Variants in PTPN9 observed in about 807,000 individuals in gnomAD.
PTPN9 encodes the protein tyrosine-protein phosphatase non-receptor type 9.
In PTPN9, 26 loss-of-function variants were observed where a neutral mutation model predicts 69.8. The ratio of observed to expected loss-of-function variants is 0.37; its 90% CI spans 0.27 to 0.52. The LOEUF (loss-of-function observed/expected upper bound fraction) is 0.52, where lower values mean the gene tolerates loss of function less well. Among genes scored for constraint, PTPN9 ranks in the 20% least tolerant of loss-of-function variants. PTPN9 has a pLI of 0.91. For missense variants in PTPN9, 549 were observed against 740.3 expected (o/e 0.74, Z 3.00); for synonymous variants, 274 against 272.5 (o/e 1.01, Z -0.05).
At chr15:75,499,728 G>A (rs768635370) in intron 7 of PTPN9, among the ~76,000 whole-genome samples, 1 of 151,864 alleles carries the variant, frequency 6.6e-6, no homozygotes, top group Non-Finnish European at 1.5e-5. Context: ...AATGGAGGAG[G>A]GGAGACTCCA....
intron 1 of PTPN9, among the ~76,000 whole-genome samples, chr15:75,557,397 C>G (rs192471960): frequency 6.6e-6 from 1 of 151,770 alleles, no homozygotes; most frequent in East Asian, 1.9e-4. Context: ...TGCACTCCAG[C>G]CTGGTCGACA....
chr15:75,552,233 T>C (rs1280764875), intron 1 of PTPN9, among the ~76,000 whole-genome samples: 3 of 149,060 alleles, frequency 2.0e-5, no homozygotes, highest in South Asian at 4.3e-4. Context: ...ACCCCATCTC[T>C]ACTAAAAAAA....
At chr15:75,573,861 C>T (rs998928036) in intron 1 of PTPN9, among the ~76,000 whole-genome samples, 1 of 152,096 alleles carries the variant, frequency 6.6e-6, no homozygotes, top group African/African-American at 2.4e-5. Flanking sequence ...GCTCTGAGAA[C>T]CTATTAGGTT....
chr15:75,499,387 G>T (rs1199611709), intron 7 of PTPN9, among the ~76,000 whole-genome samples: 1 of 144,332 alleles, frequency 6.9e-6, no homozygotes, highest in East Asian at 2.0e-4. Flanking sequence ...GCAACAAGAC[G>T]ATCTAAACCC....
chr15:75,480,232 G>C (rs1032101798), intron 8 of PTPN9, among the ~76,000 whole-genome samples: 2 of 152,116 alleles, frequency 1.3e-5, no homozygotes, highest in Admixed American at 6.5e-5. Context: ...TTGTGACCTT[G>C]GGTTAGGCAA....
intron 1 of PTPN9, among the ~76,000 whole-genome samples, chr15:75,576,564 C>T (rs2075174671): frequency 6.6e-6 from 1 of 151,670 alleles, no homozygotes; most frequent in African/African-American, 2.4e-5. Flanking sequence ...AATCCCAGCA[C>T]TTTTGGAGGA....
At chr15:75,551,415 C>T (rs2075056129) in intron 1 of PTPN9, among the ~76,000 whole-genome samples, 1 of 151,986 alleles carries the variant, frequency 6.6e-6, no homozygotes, top group African/African-American at 2.4e-5. Flanking sequence ...GAGTGCAGTG[C>T]CACAATCTCA....
intron 1 of PTPN9, among the ~76,000 whole-genome samples, chr15:75,546,409 C>T (rs748167730): frequency 2.0e-5 from 3 of 152,100 alleles, no homozygotes; most frequent in Middle Eastern, 6.8e-3. Context: ...TTTGGGAGGC[C>T]GAGGCGGGCA....
At chr15:75,523,959 AG>A (rs989638683) in intron 3 of PTPN9, among the ~76,000 whole-genome samples, 40 of 151,832 alleles carry the variant, frequency 2.6e-4, no homozygotes, top group African/African-American at 9.7e-4. Context: ...AAGTCCAAAC[AG>A]GGGGGGATGG....
At chr15:75,520,437 AATAGATAGATAGATAG>A (rs138397961) in intron 4 of PTPN9, among the ~76,000 whole-genome samples, 33 of 140,262 alleles carry the variant, frequency 2.4e-4, no homozygotes, top group Admixed American at 1.5e-3. Flanking sequence ...TAGGGTATAG[AATAGATAGATAGATAG>A]ATAGATAGAT....
At chr15:75,558,547 C>CCT (rs1014962921) in intron 1 of PTPN9, among the ~76,000 whole-genome samples, 15 of 152,020 alleles carry the variant, frequency 9.9e-5, no homozygotes, top group Non-Finnish European at 4.4e-5. Context: ...TCTCCCGATC[C>CCT]CTCTCTTGCC....
intron 1 of PTPN9, among the ~76,000 whole-genome samples, chr15:75,531,315 G>A (rs1388310829): frequency 2.6e-5 from 4 of 152,124 alleles, no homozygotes; most frequent in African/African-American, 9.7e-5. Context: ...TAAAGGCCAT[G>A]AAGAAAAGCT....
chr15:75,560,666 G>A (rs1201034978), intron 1 of PTPN9, among the ~76,000 whole-genome samples: 5 of 152,096 alleles, frequency 3.3e-5, no homozygotes, highest in Admixed American at 2.6e-4. Flanking sequence ...GAGCCCAGGA[G>A]CACGAGACCA....
At position 75,539,374 on chromosome 15, in the gene PTPN9, C is replaced by T. The variant is rs181483705; in HGVS notation, c.64-12113G>A. ...TGCCACCCAGGCTGGAGTGCAATCG[C>T]ACAATCTTGGCTCACTGCAACCTCT... On this transcript the variant is annotated intron_variant, in intron 1 of 12. Transcript: ENST00000618819. Among the ~76,000 whole-genome samples, 76 of 149,382 alleles carry T rather than the reference C, an allele frequency of 5.1e-4. 2 individuals are homozygous for T. The East Asian group carries it at 0.015, about 29-fold the overall frequency.
At chr15:75,503,582 C>G (rs1158401676) in intron 7 of PTPN9, among the ~76,000 whole-genome samples, 1 of 136,750 alleles carries the variant, frequency 7.3e-6, no homozygotes, top group African/African-American at 2.7e-5. Context: ...CCGCTCCGTC[C>G]GGGAGGGAGG....
chr15:75,553,340 C>A (rs1364500493), intron 1 of PTPN9, among the ~76,000 whole-genome samples: 1 of 152,046 alleles, frequency 6.6e-6, no homozygotes, highest in Non-Finnish European at 1.5e-5. Context: ...ATTTGGAGAC[C>A]ATTACAGAAG....
In PTPN9 at chr15:75,527,118, T is replaced by A; in HGVS notation, c.207A>T (p.Arg69Ser). ...TCTGGTCTACCCCTGAGCCACATACTCTGTAGGAGTGGAACAATTCTATGG... is the reference window on the plus strand; with the variant it reads ...TCTGGTCTACCCCTGAGCCACATACACTGTAGGAGTGGAACAATTCTATGG... ...LRAIELFHSYRETRRKEGIVK... is the reference protein window; with the variant it reads ...LRAIELFHSYSETRRKEGIVK... The change falls in exon 2 of 13, where the codon AGA (arginine) becomes AGT (serine). Residue 69 changes from arginine to serine, a missense_variant and splice_region_variant. Physicochemically the swap from Arg to Ser is moderately radical, Grantham distance 110. Transcript: ENST00000618819. 1 of 1,614,126 alleles carries A rather than the reference T, an allele frequency of 6.2e-7. No homozygotes were observed. Among genetic ancestry groups the A allele is most frequent in the Non-Finnish European group, 8.5e-7 (1 of 1,180,028 alleles).
In PTPN9 at chr15:75,490,990, TC is replaced by T. The variant is rs2074707669; in HGVS notation, c.969-690del. 3.3e-5 allele frequency among the ~76,000 whole-genome samples: 5 copies of T among 152,056 alleles called. No individual in the cohort carries two copies. The South Asian group carries it at 1.0e-3, about 32-fold the overall frequency. On this transcript the variant is annotated intron_variant, in intron 7 of 12. Transcript: ENST00000618819. Reference sequence around the variant, plus strand: ...CGGGCATCATGGCACACACCTGTACTCCTAGCTGCTCAGGAGTCTAAGGTGG... The same window carrying T: ...CGGGCATCATGGCACACACCTGTACTCTAGCTGCTCAGGAGTCTAAGGTGG...
chr15:75,463,658 G>C lies in PTPN9; in HGVS notation c.*5111C>G, dbSNP rs2074525442. On this transcript the variant is annotated 3_prime_UTR_variant, in exon 13 of 13. Transcript: ENST00000618819. ...TAAACATTGTAACAGGTTTCAAGGT[G>C]CTAGATTTTTTTTCCCCCAAGAAAA... is the stretch of plus-strand genomic sequence containing the variant. The C allele has an allele frequency of 6.6e-6, 1 of 152,180 alleles. No homozygotes were observed. Among genetic ancestry groups the C allele is most frequent in the Admixed American group, 6.6e-5 (1 of 15,262 alleles). The allele number at this position is 152,180 out of a possible 1,614,324, so 9.4% of individuals were successfully genotyped here. A position where few individuals can be genotyped will look rare whatever the true frequency, so the allele number is the denominator to read the frequency against.
Sources: gnomAD v4.1 joint callset for allele counts (sites outside exome capture counted in the v4.1 genomes callset) on GRCh38, gnomAD v4.1.1 for gene constraint, MANE v1.5 for transcripts, NCBI Gene and HGNC (gene_info 2026-07-23, HGNC 2026-07-21) for gene names.